DEPDC5: variants seen among roughly 807,000 people sequenced by gnomAD.
DEPDC5 encodes the protein GATOR1 complex protein DEPDC5.
DEPDC5 carries 73 observed loss-of-function variants against 217.3 expected under a neutral mutation model. The observed-to-expected ratio is 0.34, with a 90% CI of 0.28 to 0.41. DEPDC5 has a LOEUF of 0.41. Among genes scored for constraint, DEPDC5 ranks in the 10% least tolerant of loss-of-function variants. The probability of loss-of-function intolerance (pLI) is 1.00; values close to 1 mark genes in which losing one functional copy is unlikely to be tolerated. For synonymous variants in DEPDC5, 733 were observed against 756.7 expected, an observed-to-expected ratio of 0.97 and a Z score of 0.51; for missense variants, 1,675 against 2,070.1, an observed-to-expected ratio of 0.81 and a Z score of 3.70.
intron 7 of DEPDC5, among the ~76,000 whole-genome samples, chr22:31,772,129 G>T (rs1437758128): frequency 6.6e-6 from 1 of 152,032 alleles, no homozygotes; most frequent in Non-Finnish European, 1.5e-5. Flanking sequence ...AGGTACTTGG[G>T]AAACAGGTTG....
intron 24 of DEPDC5, among the ~76,000 whole-genome samples, chr22:31,831,944 T>TGC (rs2090631314): frequency 6.6e-6 from 1 of 152,136 alleles, no homozygotes; most frequent in Non-Finnish European, 1.5e-5. Flanking sequence ...CGTCCATGTG[T>TGC]TCTCTGGCAA....
At chr22:31,762,039 T>C (rs1440473672) in intron 4 of DEPDC5, among the ~76,000 whole-genome samples, 1 of 151,368 alleles carries the variant, frequency 6.6e-6, no homozygotes, top group Non-Finnish European at 1.5e-5. Flanking sequence ...TGGCCTCAAG[T>C]GGAGTTCCTG....
chr22:31,769,103 A>G, intron 7 of DEPDC5: 1 of 274,830 alleles, frequency 3.6e-6, no homozygotes, highest in Non-Finnish European at 6.9e-6. Flanking sequence ...TACTAAAAAT[A>G]CAAAAAATTA....
intron 41 of DEPDC5, among the ~76,000 whole-genome samples, chr22:31,904,147 C>A (rs971730967): frequency 5.9e-5 from 9 of 151,896 alleles, no homozygotes; most frequent in Non-Finnish European, 1.2e-4. Flanking sequence ...TTCCTCAGCC[C>A]CTAGGCTGTG....
intron 38 of DEPDC5, among the ~76,000 whole-genome samples, chr22:31,880,953 T>C (rs1275075836): frequency 1.3e-5 from 2 of 150,374 alleles, no homozygotes; most frequent in Admixed American, 1.3e-4. Flanking sequence ...CGGCGGAGCC[T>C]GCAGTGAGCC....
chr22:31,802,947 T>C, intron 15 of DEPDC5, 109 bp downstream of exon 15: 1 of 1,352,924 alleles, frequency 7.4e-7, no homozygotes. Context: ...TACATAGTGT[T>C]CTGTGTGTCA....
At chr22:31,835,571 A>G (rs943984936) in intron 25 of DEPDC5, among the ~76,000 whole-genome samples, 2 of 152,198 alleles carry the variant, frequency 1.3e-5, no homozygotes, top group Non-Finnish European at 2.9e-5. Flanking sequence ...AAGGCTGATG[A>G]TGGCCAGGAT....
chr22:31,855,211 C>T (rs977750070), intron 31 of DEPDC5, among the ~76,000 whole-genome samples: 11 of 152,172 alleles, frequency 7.2e-5, no homozygotes, highest in Non-Finnish European at 1.5e-4. Context: ...GATCCACCCA[C>T]CTTGGCCTCC....
In DEPDC5 at chr22:31,864,506, A is replaced by ATATATATATATATATATT. The variant is rs937445724; in HGVS notation, c.3330+3090_3330+3091insTTATATATATATATATAT. Among the ~76,000 whole-genome samples, 2 of 135,462 alleles carry ATATATATATATATATATT rather than the reference A, an allele frequency of 1.5e-5. 1 individual carries two copies. Among genetic ancestry groups the ATATATATATATATATATT allele is most frequent in the African/African-American group, 5.8e-5 (2 of 34,296 alleles). 88.9% of individuals were successfully genotyped at this position (135,462 alleles called of 152,430 possible). ...TGAACCTGTTTCTTCATTAAAATATATATATATATATATATATATTTATAT... is the reference window on the plus strand; with the variant it reads ...TGAACCTGTTTCTTCATTAAAATATATATATATATATATATATTTATATATATATATATATATTTATAT... On this transcript the variant is annotated intron_variant, in intron 33 of 42. Transcript: ENST00000651528.
intron 27 of DEPDC5, among the ~76,000 whole-genome samples, chr22:31,839,937 C>T (rs187027053): frequency 6.6e-6 from 1 of 151,876 alleles, no homozygotes; most frequent in Non-Finnish European, 1.5e-5. Flanking sequence ...TCAAGACTGG[C>T]CTAGGCAATG....
chr22:31,856,407 A>C (rs5753803), intron 31 of DEPDC5, among the ~76,000 whole-genome samples: 1 of 152,314 alleles, frequency 6.6e-6, no homozygotes, highest in East Asian at 1.9e-4. Context: ...CATCACAAGA[A>C]GTAATATATA....
At chr22:31,804,135 A>G (rs759045681) in intron 15 of DEPDC5, 27 bp from the exon 16 acceptor site, 31 of 1,612,566 alleles carry the variant, frequency 1.9e-5, no homozygotes. Context: ...CCCTCCCCAC[A>G]ATTCTTTTTG....
At chr22:31,846,783 C>T (rs1413238915) in intron 30 of DEPDC5, 51 bp from the exon 31 acceptor site, 1 of 1,613,168 alleles carries the variant, frequency 6.2e-7, no homozygotes, top group African/African-American at 1.3e-5. Context: ...TGAGTGGCTT[C>T]CACTGAGAGC....
chr22:31,846,791 A>G (rs2091761241), intron 30 of DEPDC5, 43 bp from the exon 31 acceptor site: 1 of 1,613,384 alleles, frequency 6.2e-7, no homozygotes, highest in Non-Finnish European at 8.5e-7. Context: ...TTCCACTGAG[A>G]GCCCACTTGG....
chr22:31,801,572 C>G (rs1334607097), intron 14 of DEPDC5, among the ~76,000 whole-genome samples: 2 of 152,104 alleles, frequency 1.3e-5, no homozygotes, highest in African/African-American at 4.8e-5. Context: ...AATGGAGCAG[C>G]CAGGAAAGGC....
intron 31 of DEPDC5, chr22:31,853,401 G>C (rs532375565): frequency 2.0e-5 from 3 of 152,168 alleles, no homozygotes; most frequent in African/African-American, 7.2e-5. Flanking sequence ...CTGCTCCCGG[G>C]AGACGTGCTA....
rs146069873 is a variant in DEPDC5, at chr22:31,891,128, TGAGCAAG to T, written c.4034-2451_4034-2445del. 5.7e-3 allele frequency: 2,592 copies of T among 455,124 alleles called. 59 individuals are homozygous for T. The highest frequency in any genetic ancestry group is 0.05 in the African/African-American group (2,412 of 47,824). 28.2% of individuals were successfully genotyped at this position (455,124 alleles called of 1,614,324 possible). On this transcript the variant is annotated intron_variant, in intron 38 of 42. Transcript: ENST00000651528. ...AGGTCAATCTTAAAGACTGACAGGC[TGAGCAAG>T]GAATGTTTTTATTTTTTTGTAGGAG...
At chr22:31,854,943 A>C (rs2092212551) in intron 31 of DEPDC5, among the ~76,000 whole-genome samples, 1 of 151,898 alleles carries the variant, frequency 6.6e-6, no homozygotes, top group Non-Finnish European at 1.5e-5. Context: ...GTAAGGACTT[A>C]ATTGAGTCTT....
chr22:31,843,913 T>A, intron 29 of DEPDC5, 101 bp downstream of exon 29: 8 of 649,494 alleles, frequency 1.2e-5, no homozygotes, highest in South Asian at 4.5e-5. Context: ...TCCCTTTTTC[T>A]TTTTTTTTTT....
Sources: gnomAD v4.1 joint callset for allele counts (sites outside exome capture counted in the v4.1 genomes callset) on GRCh38, gnomAD v4.1.1 for gene constraint, MANE v1.5 for transcripts, NCBI Gene and HGNC (gene_info 2026-07-23, HGNC 2026-07-21) for gene names.